The following TAOK3 variants were observed in gnomAD, a reference collection of about 807,000 sequenced individuals.
TAOK3 encodes serine/threonine-protein kinase TAO3.
Under a neutral mutation model 120.4 loss-of-function variants are expected in TAOK3, and 40 were observed. The observed-to-expected ratio is 0.33, with a 90% confidence interval of 0.26 to 0.43. The LOEUF is 0.43. Among genes scored for constraint, TAOK3 ranks in the 20% least tolerant of loss-of-function variants. The pLI, the probability that TAOK3 is intolerant of heterozygous loss-of-function variation, is 1.00. For missense variants in TAOK3, 821 were observed against 1,112.1 expected, an observed-to-expected ratio of 0.74 and a Z score of 3.72; for synonymous variants, 355 against 387.5, an observed-to-expected ratio of 0.92 and a Z score of 0.99.
intron 1 of TAOK3, among the ~76,000 whole-genome samples, chr12:118,340,477 G>T (rs1027688497): frequency 2.0e-5 from 3 of 152,078 alleles, no homozygotes; most frequent in Admixed American, 6.5e-5. Flanking sequence ...AAAGAAAATG[G>T]GGTGGAATTT....
chr12:118,268,968 A>G (rs573159772), intron 1 of TAOK3, among the ~76,000 whole-genome samples: 1 of 152,246 alleles, frequency 6.6e-6, no homozygotes, highest in African/African-American at 2.4e-5. Flanking sequence ...AGATCATGCC[A>G]TTGCACTCCG....
chr12:118,255,629 T>C lies in TAOK3; in HGVS notation c.-62A>G. ...GTTAGCTTTATTTCTCATTGACAAT[T>C]TTTTTTGGGGGGTAAATCTTCAGTA... On this transcript the variant is annotated 5_prime_UTR_variant, in exon 3 of 21. Transcript: ENST00000392533. 6.6e-6 allele frequency: 10 copies of C among 1,523,904 alleles called. No individual in the cohort carries two copies. Among genetic ancestry groups the C allele is most frequent in the Non-Finnish European group, 8.8e-6 (10 of 1,133,474 alleles). The allele number at this position is 1,523,904 out of a possible 1,614,324, so 94.4% of individuals were successfully genotyped here. A position where few individuals can be genotyped will look rare whatever the true frequency, so the allele number is the denominator to read the frequency against.
At chr12:118,339,781 G>A (rs1296532056) in intron 1 of TAOK3, among the ~76,000 whole-genome samples, 2 of 151,976 alleles carry the variant, frequency 1.3e-5, no homozygotes, top group South Asian at 2.1e-4. Flanking sequence ...GGATAGTCCC[G>A]CCTCGGCTTC....
At chr12:118,308,766 C>G (rs941652799) in intron 1 of TAOK3, among the ~76,000 whole-genome samples, 1 of 151,402 alleles carries the variant, frequency 6.6e-6, no homozygotes, top group Non-Finnish European at 1.5e-5. Context: ...CCTGTCTCTA[C>G]TAAAAATACA....
intron 9 of TAOK3, among the ~76,000 whole-genome samples, chr12:118,219,564 T>C (rs2039118338): frequency 6.6e-6 from 1 of 152,108 alleles, no homozygotes; most frequent in Non-Finnish European, 1.5e-5. Flanking sequence ...TTGCAAATTA[T>C]ATTTTTTGCT....
At chr12:118,320,372 CTTGAGCCCCAGGTAT>C (rs1202666145) in intron 1 of TAOK3, among the ~76,000 whole-genome samples, 1 of 151,896 alleles carries the variant, frequency 6.6e-6, no homozygotes, top group Non-Finnish European at 1.5e-5. Context: ...GGGAGGATCG[CTTGAGCCCCAGGTAT>C]TTGAGACAAG....
chr12:118,308,221 CACGGCA>C (rs1291042711), intron 1 of TAOK3, among the ~76,000 whole-genome samples: 8 of 151,880 alleles, frequency 5.3e-5, no homozygotes, highest in Admixed American at 3.3e-4. Context: ...TTACAGATGC[CACGGCA>C]ACATCAGGAA....
intron 9 of TAOK3, among the ~76,000 whole-genome samples, chr12:118,215,588 G>T (rs574585460): frequency 1.3e-5 from 2 of 152,168 alleles, no homozygotes; most frequent in East Asian, 3.9e-4. Context: ...AATACTGTCT[G>T]ATGCCTGATT....
chr12:118,322,718 C>CTTTTTT (rs199608892), intron 1 of TAOK3, among the ~76,000 whole-genome samples: 96 of 93,816 alleles, frequency 1.0e-3, no homozygotes, highest in Non-Finnish European at 1.3e-3. Context: ...ATTTAAAAAC[C>CTTTTTT]TTTTTTTTTT....
chr12:118,182,621 ATATTTTT>A (rs1303698581), intron 14 of TAOK3, among the ~76,000 whole-genome samples: 2 of 99,012 alleles, frequency 2.0e-5, no homozygotes, highest in Admixed American at 1.1e-4. Flanking sequence ...ATATATATAT[ATATTTTT>A]TTTTTTTTTT....
At chr12:118,158,401 C>CCT (rs1448747946) in intron 19 of TAOK3, among the ~76,000 whole-genome samples, 1 of 152,164 alleles carries the variant, frequency 6.6e-6, no homozygotes, top group Non-Finnish European at 1.5e-5. Flanking sequence ...ATTATCTGTA[C>CCT]CTCTCTACCT....
At chr12:118,170,632 G>A (rs765449589) in intron 17 of TAOK3, among the ~76,000 whole-genome samples, 17 of 152,276 alleles carry the variant, frequency 1.1e-4, no homozygotes, top group Non-Finnish European at 2.1e-4. Context: ...GCGTGGTGGT[G>A]TGTGCCCGTA....
chr12:118,224,162 T>G (rs2039389244), intron 9 of TAOK3, among the ~76,000 whole-genome samples: 1 of 152,168 alleles, frequency 6.6e-6, no homozygotes, highest in Non-Finnish European at 1.5e-5. Flanking sequence ...CAAAACCAAA[T>G]CACATAGTGT....
Position 118,160,048 on chromosome 12 carries a change from A to T in TAOK3, c.2352+98T>A. On this transcript the variant is annotated intron_variant, in intron 19 of 20. Coordinates refer to ENST00000392533, the MANE Select transcript of TAOK3 (RefSeq NM_016281.4). This position sits in a 1 kb window ranked among gnomAD's most constrained non-coding sequence, Gnocchi z 4.2. ...TGGGCAGAAAAACATCAATATCCTAAATTTGTGCAAGAATCATCTTGGGAA... is the reference window on the plus strand; with the variant it reads ...TGGGCAGAAAAACATCAATATCCTATATTTGTGCAAGAATCATCTTGGGAA... The T allele has an allele frequency of 9.3e-7, 1 of 1,071,856 alleles. No individual in the cohort carries two copies. The highest frequency in any genetic ancestry group is 1.4e-6 in the Non-Finnish European group (1 of 705,890). The allele number at this position is 1,071,856 out of a possible 1,614,324, so 66.4% of individuals were successfully genotyped here.
At chr12:118,214,729 G>A (rs1429392212) in intron 9 of TAOK3, among the ~76,000 whole-genome samples, 1 of 147,106 alleles carries the variant, frequency 6.8e-6, no homozygotes, top group African/African-American at 2.5e-5. Flanking sequence ...CATCGTGCAT[G>A]GCTAATTTCT....
intron 13 of TAOK3, among the ~76,000 whole-genome samples, chr12:118,194,426 A>T (rs1271865637): frequency 6.6e-6 from 1 of 152,188 alleles, no homozygotes; most frequent in East Asian, 1.9e-4. Flanking sequence ...AGACGTTACT[A>T]CAGAGAAGTG....
intron 2 of TAOK3, among the ~76,000 whole-genome samples, chr12:118,262,565 G>A (rs917019172): frequency 1.3e-5 from 2 of 151,882 alleles, no homozygotes; most frequent in East Asian, 3.9e-4. Context: ...GGTGGCTCAC[G>A]CCTATAATCC....
chr12:118,313,242 T>C (rs902436705), intron 1 of TAOK3, among the ~76,000 whole-genome samples: 3 of 152,174 alleles, frequency 2.0e-5, no homozygotes, highest in Admixed American at 2.0e-4. Flanking sequence ...AATGGCTGTT[T>C]CTTTTCTTTT....
intron 9 of TAOK3, among the ~76,000 whole-genome samples, chr12:118,223,827 A>G (rs1725767837): frequency 1.3e-5 from 2 of 151,912 alleles, no homozygotes; most frequent in Admixed American, 1.3e-4. Flanking sequence ...TTTAATAGAG[A>G]CAGGGTTTTG....
Sources: gnomAD v4.1 joint callset for allele counts (sites outside exome capture counted in the v4.1 genomes callset) on GRCh38, gnomAD v4.1.1 for gene constraint, Gnocchi (gnomAD v3.1) non-coding constraint, MANE v1.5 for transcripts, NCBI Gene and HGNC (gene_info 2026-07-23, HGNC 2026-07-21) for gene names.